The following IMMP2L variants were observed in gnomAD, a reference collection of about 807,000 sequenced individuals.
IMMP2L encodes the protein inner mitochondrial membrane peptidase subunit 2.
In IMMP2L, 18 loss-of-function variants were observed where a neutral mutation model predicts 19.3. That is an observed-to-expected ratio of 0.93 (90% CI 0.64 to 1.38). The LOEUF (loss-of-function observed/expected upper bound fraction) is 1.38. IMMP2L is among the 40% of genes most tolerant of loss of function. The probability of loss-of-function intolerance (pLI) is 0.00; values close to 1 mark genes in which losing one functional copy is unlikely to be tolerated. For synonymous variants in IMMP2L, 76 were observed against 73.0 expected (o/e 1.04, Z -0.21); for missense variants, 233 against 218.2 (o/e 1.07, Z -0.43).
At chr7:110,859,959 A>G (rs1057194696) in intron 5 of IMMP2L, among the ~76,000 whole-genome samples, 3 of 152,082 alleles carry the variant, frequency 2.0e-5, no homozygotes, top group Non-Finnish European at 4.4e-5. Context: ...TCTACTCTGG[A>G]CTTAAACTGA....
At chr7:110,865,488 TG>T (rs1377818098) in intron 5 of IMMP2L, among the ~76,000 whole-genome samples, 13 of 152,116 alleles carry the variant, frequency 8.5e-5, no homozygotes, top group Non-Finnish European at 1.8e-4. Flanking sequence ...GCTCTAGCTA[TG>T]GCTGATATAT....
At chr7:111,091,245 G>A (rs928431602) in intron 3 of IMMP2L, 6 of 152,310 alleles carry the variant, frequency 3.9e-5, no homozygotes, top group African/African-American at 1.4e-4. Flanking sequence ...CCTGCCGACT[G>A]AGAAAAAGAG....
At chr7:111,483,176 C>T (rs1476962186) in intron 3 of IMMP2L, among the ~76,000 whole-genome samples, 1 of 152,120 alleles carries the variant, frequency 6.6e-6, no homozygotes, top group Non-Finnish European at 1.5e-5. Flanking sequence ...ACTCTCTACA[C>T]TATTTTTGCA....
At chr7:111,234,762 C>T (rs939338370) in intron 3 of IMMP2L, among the ~76,000 whole-genome samples, 5 of 151,934 alleles carry the variant, frequency 3.3e-5, no homozygotes, top group Admixed American at 3.3e-4. Flanking sequence ...ACAGTTTATA[C>T]CTTTAATTTA....
intron 3 of IMMP2L, among the ~76,000 whole-genome samples, chr7:110,999,827 C>G (rs542661408): frequency 9.9e-5 from 15 of 152,196 alleles, no homozygotes; most frequent in African/African-American, 3.1e-4. Flanking sequence ...TTATTCCTCA[C>G]CGAGTCTTTT....
intron 3 of IMMP2L, among the ~76,000 whole-genome samples, chr7:111,421,025 A>G (rs1003185476): frequency 1.3e-5 from 2 of 151,866 alleles, no homozygotes; most frequent in African/African-American, 4.9e-5. Context: ...TCCCACCAAC[A>G]GTGTAAAAGC....
intron 4 of IMMP2L, among the ~76,000 whole-genome samples, chr7:110,938,720 C>T (rs367697652): frequency 6.6e-6 from 1 of 151,838 alleles, no homozygotes; most frequent in African/African-American, 2.4e-5. Flanking sequence ...GCACTTTTAC[C>T]CCCTAAATCT....
intron 3 of IMMP2L, among the ~76,000 whole-genome samples, chr7:111,360,596 T>C (rs1161950080): frequency 1.3e-5 from 2 of 152,034 alleles, no homozygotes; most frequent in South Asian, 2.1e-4. Context: ...GGTAGAAGGA[T>C]TGCTTGAACC....
At chr7:111,454,103 TA>T (rs1478960691) in intron 3 of IMMP2L, among the ~76,000 whole-genome samples, 2 of 152,142 alleles carry the variant, frequency 1.3e-5, no homozygotes, top group Admixed American at 1.3e-4. Context: ...TGAAACCATA[TA>T]AAAAACTTTG....
chr7:111,335,994 T>G (rs893970207), intron 3 of IMMP2L, among the ~76,000 whole-genome samples: 1 of 152,036 alleles, frequency 6.6e-6, no homozygotes, highest in African/African-American at 2.4e-5. Context: ...GATACTTACT[T>G]GATGTTTAAA....
Position 111,487,297 on chromosome 7 carries a change from A to G in IMMP2L, c.180T>C (p.Leu60=), listed in dbSNP as rs1842738047. 2 of 1,611,136 alleles carry G rather than the reference A, an allele frequency of 1.2e-6. No homozygotes were observed. Among genetic ancestry groups the G allele is most frequent in the Non-Finnish European group, 1.7e-6 (2 of 1,177,526 alleles). Residue 60 remains leucine, a synonymous_variant, in exon 3 of 6, where the codon CTT becomes CTC. Transcript: ENST00000405709. Reference sequence around the variant, plus strand: ...AATTCCTCACTTTCCAGTGGTTCAAAAGCACCACATCAGATGACTGGCTCC... The same window carrying G: ...AATTCCTCACTTTCCAGTGGTTCAAGAGCACCACATCAGATGACTGGCTCC... ...PGGSQSSDVV[L]LNHWKVRNFE... is the part of the protein sequence containing the mutation.
chr7:110,786,261 T>C (rs1440254423), intron 5 of IMMP2L, among the ~76,000 whole-genome samples: 1 of 151,982 alleles, frequency 6.6e-6, no homozygotes, highest in Non-Finnish European at 1.5e-5. Flanking sequence ...TATATATCTA[T>C]GGAAAATATC....
intron 3 of IMMP2L, among the ~76,000 whole-genome samples, chr7:111,147,454 G>C (rs1206896894): frequency 6.6e-6 from 1 of 152,072 alleles, no homozygotes; most frequent in South Asian, 2.1e-4. Flanking sequence ...TTGTAAACTG[G>C]AAGGGTTACA....
chr7:110,970,151 T>A (rs1819988232), intron 3 of IMMP2L, among the ~76,000 whole-genome samples: 1 of 152,154 alleles, frequency 6.6e-6, no homozygotes, highest in Admixed American at 6.6e-5. Flanking sequence ...TTTATGACTC[T>A]AACTTCTATA....
intron 3 of IMMP2L, among the ~76,000 whole-genome samples, chr7:111,036,454 T>C (rs576935588): frequency 9.2e-5 from 14 of 152,328 alleles, no homozygotes; most frequent in South Asian, 2.1e-4. Context: ...ATCCTTCAGG[T>C]TCTTTAATGT....
intron 3 of IMMP2L, among the ~76,000 whole-genome samples, chr7:111,150,782 A>G (rs1237686399): frequency 6.6e-6 from 1 of 152,234 alleles, no homozygotes; most frequent in East Asian, 1.9e-4. Context: ...TTCTCAGAGA[A>G]ATAAGCATGC....
intron 5 of IMMP2L, among the ~76,000 whole-genome samples, chr7:110,782,979 G>A (rs564468516): frequency 2.6e-3 from 401 of 151,966 alleles, no homozygotes; most frequent in Non-Finnish European, 4.8e-3. Context: ...TGTGTAGGCT[G>A]AGGCAATGGA....
At chr7:110,959,421 G>C (rs1793905754) in intron 4 of IMMP2L, among the ~76,000 whole-genome samples, 1 of 151,738 alleles carries the variant, frequency 6.6e-6, no homozygotes, top group African/African-American at 2.4e-5. Flanking sequence ...AAAAAATTGA[G>C]TCACAGAGAA....
At chr7:111,187,166 T>A (rs1808361021) in intron 3 of IMMP2L, among the ~76,000 whole-genome samples, 1 of 152,116 alleles carries the variant, frequency 6.6e-6, no homozygotes, top group African/African-American at 2.4e-5. Context: ...TGTAAGAGAA[T>A]GGGAGTAAGG....
Sources: allele counts gnomAD v4.1 joint callset (sites outside exome capture counted in the v4.1 genomes callset), GRCh38; gene constraint gnomAD v4.1.1; transcripts MANE v1.5; gene names NCBI Gene and HGNC (gene_info 2026-07-23, HGNC 2026-07-21).